The following TOGARAM1 variants were observed in gnomAD, a reference collection of about 807,000 sequenced individuals.
TOGARAM1 encodes the protein TOG array regulator of axonemal microtubules protein 1.
A neutral mutation model predicts 166.6 loss-of-function variants in TOGARAM1; 100 were observed. The observed-to-expected ratio is 0.60, with a 90% CI of 0.51 to 0.71. The LOEUF (loss-of-function observed/expected upper bound fraction) is 0.71. Among genes scored for constraint, TOGARAM1 ranks in the 30% least tolerant of loss-of-function variants. The pLI is 0.00. For synonymous variants in TOGARAM1, 758 were observed against 763.8 expected, an observed-to-expected ratio of 0.99 and a Z score of 0.13; for missense variants, 2,029 against 2,102.7, an observed-to-expected ratio of 0.96 and a Z score of 0.69.
intron 16 of TOGARAM1, among the ~76,000 whole-genome samples, chr14:45,056,072 T>C (rs749259089): frequency 2.0e-5 from 3 of 151,972 alleles, no homozygotes; most frequent in Non-Finnish European, 4.4e-5. Context: ...TTAGTTTTCC[T>C]TGTAGAGATC....
intron 11 of TOGARAM1, among the ~76,000 whole-genome samples, chr14:45,035,136 A>G (rs1158032586): frequency 6.6e-6 from 1 of 152,206 alleles, no homozygotes; most frequent in Non-Finnish European, 1.5e-5. Context: ...AGACGTAACC[A>G]TTGAAACTAT....
intron 7 of TOGARAM1, 116 bp downstream of exon 7, chr14:45,012,191 T>G: frequency 1.6e-6 from 1 of 613,722 alleles, no homozygotes; most frequent in Admixed American, 3.6e-5. Flanking sequence ...TTAAGACTAA[T>G]CATTTTTTTA....
intron 5 of TOGARAM1, chr14:45,007,771 G>T (rs1879545663): frequency 6.6e-6 from 1 of 152,138 alleles, no homozygotes; most frequent in Non-Finnish European, 1.5e-5. Context: ...GCTTAATAAT[G>T]TATCAAACAC....
At position 44,962,805 on chromosome 14, in the gene TOGARAM1, C is replaced by T; in HGVS notation, c.384C>T (p.Gly128=). The change falls in exon 1 of 20, where the codon GGC becomes GGT. Residue 128 remains glycine, a synonymous_variant. Coordinates refer to ENST00000361462, the MANE Select transcript of TOGARAM1 (RefSeq NM_001308120.2). ...AALPRRGGRL[G]FPRRKEALYR... is the part of the protein sequence containing the mutation. Reference sequence around the variant, plus strand: ...TGCCGCGGCGGGGCGGTCGACTTGGCTTCCCCCGACGCAAGGAAGCTTTGT... The same window carrying T: ...TGCCGCGGCGGGGCGGTCGACTTGGTTTCCCCCGACGCAAGGAAGCTTTGT... 1 of 1,612,404 alleles carries T rather than the reference C, an allele frequency of 6.2e-7. No homozygotes were observed. The highest frequency in any genetic ancestry group is 8.5e-7 in the Non-Finnish European group (1 of 1,179,986).
intron 17 of TOGARAM1, among the ~76,000 whole-genome samples, chr14:45,067,322 A>G (rs1594708930): frequency 6.6e-6 from 1 of 152,120 alleles, no homozygotes; most frequent in African/African-American, 2.4e-5. Flanking sequence ...GAATTAATCA[A>G]TACATATTTT....
intron 10 of TOGARAM1, among the ~76,000 whole-genome samples, chr14:45,029,380 T>C (rs909523380): frequency 5.3e-5 from 8 of 152,246 alleles, no homozygotes; most frequent in South Asian, 2.1e-4. Flanking sequence ...TAATTCTTGA[T>C]GGATCAACTA....
chr14:45,073,160 T>A (rs1307324932), intron 19 of TOGARAM1, 136 bp from the exon 20 acceptor site: 1 of 813,292 alleles, frequency 1.2e-6, no homozygotes, highest in East Asian at 2.7e-5. Flanking sequence ...CTTACATTGC[T>A]TCTTTTAAGA....
At chr14:45,010,663 T>C (rs1237173780) in intron 6 of TOGARAM1, among the ~76,000 whole-genome samples, 1 of 152,238 alleles carries the variant, frequency 6.6e-6, no homozygotes, top group Non-Finnish European at 1.5e-5. Flanking sequence ...TGGACTGAAA[T>C]GCCTTTAATG....
chr14:45,006,806 C>T (rs1594647469), intron 5 of TOGARAM1: 1 of 152,252 alleles, frequency 6.6e-6, no homozygotes, highest in East Asian at 1.9e-4. Context: ...TTTGCAATTG[C>T]ATACAGTGAA....
chr14:45,046,636 A>G lies in TOGARAM1; in HGVS notation c.4246A>G (p.Lys1416Glu). The G allele has an allele frequency of 7.1e-7, 1 of 1,414,386 alleles. No homozygotes were observed. The highest frequency in any genetic ancestry group is 9.3e-7 in the Non-Finnish European group (1 of 1,076,884). 87.6% of individuals were successfully genotyped at this position (1,414,386 alleles called of 1,614,324 possible). Residue 1416 changes from lysine (K) to glutamate (E), a missense_variant, in exon 14 of 20, where the codon AAG becomes GAG. This residue lies in a region of TOGARAM1 where 576 missense variants were observed against 670.5 expected (regional missense o/e 0.86). Transcript: ENST00000361462. ...MEPERILSAAKDMAERILPAA... is the reference protein window; with the variant it reads ...MEPERILSAAEDMAERILPAA... ...ACCAGAACGTATTTTATCTGCAGCAAAGGATATGGCTGAACGCATATTACC... is the reference window on the plus strand; with the variant it reads ...ACCAGAACGTATTTTATCTGCAGCAGAGGATATGGCTGAACGCATATTACC...
intron 1 of TOGARAM1, among the ~76,000 whole-genome samples, chr14:44,973,166 CT>C (rs1351993513): frequency 4.0e-5 from 6 of 151,796 alleles, no homozygotes; most frequent in Non-Finnish European, 8.8e-5. Context: ...TTTTTGGCTC[CT>C]TGTGGTTTTA....
chr14:45,073,197 TAAGG>T (rs1007944713), intron 19 of TOGARAM1, 95 bp from the exon 20 acceptor site: 17 of 1,176,390 alleles, frequency 1.4e-5, no homozygotes, highest in Admixed American at 3.0e-5. Flanking sequence ...ACAAATTACA[TAAGG>T]AAGAAGCTTA....
At chr14:44,985,379 C>G (rs1269798409) in intron 1 of TOGARAM1, among the ~76,000 whole-genome samples, 7 of 152,142 alleles carry the variant, frequency 4.6e-5, no homozygotes, top group Admixed American at 6.5e-5. Flanking sequence ...ATATATGTAT[C>G]CTTTAACTCA....
intron 1 of TOGARAM1, 142 bp downstream of exon 1, chr14:44,964,609 T>C: frequency 1.0e-6 from 1 of 959,732 alleles, no homozygotes; most frequent in Non-Finnish European, 1.5e-6. Context: ...TGAATGTTGG[T>C]ACTCATTATA....
At chr14:44,991,055 C>A (rs1382752960) in intron 1 of TOGARAM1, among the ~76,000 whole-genome samples, 4 of 150,290 alleles carry the variant, frequency 2.7e-5, no homozygotes, top group Non-Finnish European at 3.0e-5. Flanking sequence ...GACCCCCAGG[C>A]TCAAGTGATC....
intron 15 of TOGARAM1, among the ~76,000 whole-genome samples, chr14:45,052,785 G>A (rs1882439017): frequency 6.6e-6 from 1 of 152,160 alleles, no homozygotes; most frequent in African/African-American, 2.4e-5. Context: ...TTGATGTTTG[G>A]TAGAATATAG....
chr14:44,974,427 C>A (rs974257565), intron 1 of TOGARAM1, among the ~76,000 whole-genome samples: 1 of 152,046 alleles, frequency 6.6e-6, no homozygotes, highest in South Asian at 2.1e-4. Flanking sequence ...TTCATTATAG[C>A]CCTTAGTATA....
intron 1 of TOGARAM1, among the ~76,000 whole-genome samples, chr14:44,988,195 G>A (rs1297277353): frequency 2.0e-5 from 3 of 151,924 alleles, no homozygotes; most frequent in African/African-American, 4.8e-5. Context: ...CATGGCACAT[G>A]TATACATATG....
Position 44,962,273 on chromosome 14 carries a change from G to A in TOGARAM1, c.-149G>A. ...CCATTTTGCCAGAGGCTGCCTCCCG[G>A]AGTTGGGGGCGGCCTGGCGGCAGGC... On this transcript the variant is annotated 5_prime_UTR_variant, in exon 1 of 20. Coordinates refer to ENST00000361462, the MANE Select transcript of TOGARAM1 (RefSeq NM_001308120.2). 1 of 987,040 alleles carries A rather than the reference G, an allele frequency of 1.0e-6. No homozygotes were observed. The highest frequency in any genetic ancestry group is 1.4e-6 in the Non-Finnish European group (1 of 712,640). 61.1% of individuals were successfully genotyped at this position (987,040 alleles called of 1,614,324 possible). A position where few individuals can be genotyped will look rare whatever the true frequency, so the allele number is the denominator to read the frequency against.
Sources: gnomAD v4.1 joint callset for allele counts (sites outside exome capture counted in the v4.1 genomes callset) on GRCh38, gnomAD v4.1.1 for gene constraint, gnomAD v4.1.1 regional missense constraint, MANE v1.5 for transcripts, NCBI Gene and HGNC (gene_info 2026-07-23, HGNC 2026-07-21) for gene names.